ZFAND3: variants seen among roughly 807,000 people sequenced by gnomAD.
The protein encoded by ZFAND3 is AN1-type zinc finger protein 3.
Under a neutral mutation model 29.6 loss-of-function variants are expected in ZFAND3, and 10 were observed. That is an observed-to-expected ratio of 0.34 (90% CI 0.21 to 0.57). ZFAND3 has a LOEUF of 0.57. Among genes scored for constraint, ZFAND3 ranks in the 20% least tolerant of loss-of-function variants. ZFAND3 has a pLI of 0.86. For missense variants in ZFAND3, 230 were observed against 304.5 expected (o/e 0.76, Z 1.82); for synonymous variants, 128 against 112.6 (o/e 1.14, Z -0.87).
At chr6:38,128,948 C>T (rs918195661) in intron 5 of ZFAND3, among the ~76,000 whole-genome samples, 5 of 152,126 alleles carry the variant, frequency 3.3e-5, no homozygotes, top group Non-Finnish European at 1.5e-5. Flanking sequence ...GTACCACCAG[C>T]AGTGTAAAAG....
chr6:37,990,324 G>A (rs1762737526), intron 2 of ZFAND3, among the ~76,000 whole-genome samples: 1 of 152,048 alleles, frequency 6.6e-6, no homozygotes, highest in Non-Finnish European at 1.5e-5. Context: ...ATGATTTGGG[G>A]TACTTTTGTG....
intron 1 of ZFAND3, among the ~76,000 whole-genome samples, chr6:37,852,140 C>T: frequency 6.6e-6 from 1 of 152,304 alleles, no homozygotes; most frequent in South Asian, 2.1e-4. Flanking sequence ...AGTTATGTGA[C>T]TTACCAGGAA....
intron 2 of ZFAND3, among the ~76,000 whole-genome samples, chr6:37,995,375 A>C: frequency 6.6e-6 from 1 of 152,146 alleles, no homozygotes; most frequent in East Asian, 1.9e-4. Context: ...CAGCAACCTA[A>C]GGTATTAATA....
At chr6:37,830,980 A>T (rs763101725) in intron 1 of ZFAND3, among the ~76,000 whole-genome samples, 4 of 152,122 alleles carry the variant, frequency 2.6e-5, no homozygotes, top group Non-Finnish European at 5.9e-5. Context: ...CGTCTATCCC[A>T]AACTCCTCCA....
intron 2 of ZFAND3, among the ~76,000 whole-genome samples, chr6:38,008,491 T>C (rs148222220): frequency 1.6e-4 from 25 of 152,314 alleles, no homozygotes; most frequent in African/African-American, 5.5e-4. Flanking sequence ...AAAGTTGGAA[T>C]CTGTCTTAGA....
chr6:38,056,602 A>G (rs1764138718), intron 2 of ZFAND3, among the ~76,000 whole-genome samples: 1 of 152,194 alleles, frequency 6.6e-6, no homozygotes, highest in Non-Finnish European at 1.5e-5. Flanking sequence ...GCAGGACAGG[A>G]CAAAGTGCTT....
At chr6:38,006,192 CTT>C (rs762007805) in intron 2 of ZFAND3, among the ~76,000 whole-genome samples, 1 of 152,032 alleles carries the variant, frequency 6.6e-6, no homozygotes, top group East Asian at 1.9e-4. Flanking sequence ...AATTTATAGT[CTT>C]TTTTGTGGGG....
At chr6:37,911,907 G>A (rs1220698208) in intron 1 of ZFAND3, among the ~76,000 whole-genome samples, 2 of 152,140 alleles carry the variant, frequency 1.3e-5, no homozygotes, top group Non-Finnish European at 2.9e-5. Flanking sequence ...AGTCAGTTGA[G>A]TAGAGTGTTG....
intron 1 of ZFAND3, among the ~76,000 whole-genome samples, chr6:37,921,410 A>G (rs1052518649): frequency 2.6e-5 from 4 of 151,112 alleles, no homozygotes; most frequent in African/African-American, 9.7e-5. Context: ...CTTGTGCCCT[A>G]GGTTTTTCCT....
At chr6:37,889,384 T>C (rs1765054514) in intron 1 of ZFAND3, among the ~76,000 whole-genome samples, 1 of 152,130 alleles carries the variant, frequency 6.6e-6, no homozygotes, top group Admixed American at 6.6e-5. Context: ...AAAGGAATAA[T>C]GGATTGCTAT....
intron 1 of ZFAND3, among the ~76,000 whole-genome samples, chr6:37,893,183 A>G (rs1195527728): frequency 2.6e-5 from 4 of 152,238 alleles, no homozygotes; most frequent in African/African-American, 7.2e-5. Context: ...ATGTATGCCA[A>G]AATCCTTAAC....
At chr6:37,850,300 T>C (rs1168181942) in intron 1 of ZFAND3, among the ~76,000 whole-genome samples, 1 of 152,214 alleles carries the variant, frequency 6.6e-6, no homozygotes, top group Non-Finnish European at 1.5e-5. Context: ...ATGGGATTAA[T>C]AGACCTTTAA....
chr6:38,131,228 A>G (rs1365118338), intron 5 of ZFAND3, among the ~76,000 whole-genome samples: 1 of 151,888 alleles, frequency 6.6e-6, no homozygotes, highest in Non-Finnish European at 1.5e-5. Flanking sequence ...TGGCCTATGA[A>G]TTTTATTTAT....
chr6:38,035,526 T>C (rs1055677120), intron 2 of ZFAND3, among the ~76,000 whole-genome samples: 22 of 152,344 alleles, frequency 1.4e-4, no homozygotes, highest in Admixed American at 3.3e-4. Flanking sequence ...TTCTGAGTTA[T>C]CAATATTGTT....
At chr6:37,942,595 A>T (rs534844767) in intron 2 of ZFAND3, among the ~76,000 whole-genome samples, 22 of 152,324 alleles carry the variant, frequency 1.4e-4, no homozygotes, top group African/African-American at 5.3e-4. Context: ...ATACTTAAAA[A>T]TTATGAAGGT....
At chr6:38,132,263 A>G (rs972500825) in intron 5 of ZFAND3, among the ~76,000 whole-genome samples, 4 of 152,142 alleles carry the variant, frequency 2.6e-5, no homozygotes, top group Admixed American at 6.5e-5. Context: ...TGTAATCCCA[A>G]CACTTTGAGA....
rs76112328 is a variant in ZFAND3 at position 37,897,237 on chromosome 6, C to G, written c.72-32722C>G. Among the ~76,000 whole-genome samples the G allele has an allele frequency of 2.8e-4, 42 of 152,316 alleles. No individual in the cohort carries two copies. The East Asian group carries it at 5.2e-3, about 19-fold the overall frequency. On this transcript the variant is annotated intron_variant, in intron 1 of 5. Coordinates refer to ENST00000287218, the MANE Select transcript of ZFAND3 (RefSeq NM_021943.3). Reference sequence around the variant, plus strand: ...CTGTACGTAACTATTATTTTGATCTCTATCACTGTAGTTTTAGTTTTATCT... The same window carrying G: ...CTGTACGTAACTATTATTTTGATCTGTATCACTGTAGTTTTAGTTTTATCT...
intron 1 of ZFAND3, among the ~76,000 whole-genome samples, chr6:37,893,042 T>TACACACACACACACGCATGC (rs1554153256): frequency 1.3e-4 from 20 of 151,692 alleles, no homozygotes; most frequent in African/African-American, 4.3e-4. Context: ...ATACCAGTTC[T>TACACACACACACACGCATGC]ACACACACAC....
rs753250530 is a variant in ZFAND3, at chr6:38,061,702, C to T, written c.222C>T (p.Thr74=). ...GTGACAACAACAATACCTCGATAAC[C>T]ACGCCAACTCTTAGTCCCAGCCAGC... ...TTSDNNNTSI[T]TPTLSPSQQP... The change falls in exon 3 of 6, where the codon ACC becomes ACT. Residue 74 remains threonine, a synonymous_variant. Coordinates refer to ENST00000287218, the MANE Select transcript of ZFAND3 (RefSeq NM_021943.3). 6.2e-7 allele frequency: 1 copy of T among 1,614,134 alleles called. No individual in the cohort carries two copies.
Sources: allele counts gnomAD v4.1 joint callset (sites outside exome capture counted in the v4.1 genomes callset), GRCh38; gene constraint gnomAD v4.1.1; transcripts MANE v1.5; gene names NCBI Gene and HGNC (gene_info 2026-07-23, HGNC 2026-07-21).